Variants in IMPG2 observed in about 807,000 individuals in gnomAD.
IMPG2 encodes IPM 200.
IMPG2 carries 91 observed loss-of-function variants against 129.2 expected under a neutral mutation model. The ratio of observed to expected loss-of-function variants is 0.70; its 90% CI spans 0.59 to 0.84. IMPG2 has a LOEUF of 0.84. Ranked by LOEUF, IMPG2 falls within the 40% of genes least tolerant of loss-of-function variation. The pLI, the probability that IMPG2 is intolerant of heterozygous loss-of-function variation, is 0.00. For missense variants in IMPG2, 1,430 were observed against 1,461.7 expected, an observed-to-expected ratio of 0.98 and a Z score of 0.35; for synonymous variants, 510 against 517.7, an observed-to-expected ratio of 0.99 and a Z score of 0.20.
rs1228595057 is a variant in IMPG2, at chr3:101,261,442, T to C, written c.909-3669A>G. Among the ~76,000 whole-genome samples the C allele has an allele frequency of 2.0e-5, 3 of 152,140 alleles. No individual in the cohort carries two copies. The East Asian group carries it at 5.8e-4, about 29-fold the overall frequency. The stretch of plus-strand genomic sequence containing the variant: ...GGGAAAAGATCAAGAGAAATGTTCC[T>C]GGATCAAGAAAGCTATGCAAATCAA... On this transcript the variant is annotated intron_variant, in intron 9 of 18. Transcript: ENST00000193391.
At chr3:101,227,536 C>T (rs944318913) in intron 18 of IMPG2, among the ~76,000 whole-genome samples, 2 of 152,230 alleles carry the variant, frequency 1.3e-5, no homozygotes, top group African/African-American at 2.4e-5. Flanking sequence ...TGAACACATT[C>T]AGGCAGGTAG....
chr3:101,228,656 T>G (rs561107991), intron 18 of IMPG2, 141 bp downstream of exon 18: 1 of 700,600 alleles, frequency 1.4e-6, no homozygotes, highest in South Asian at 1.6e-5. Context: ...GCATAAACTT[T>G]GAAGAACTCA....
chr3:101,283,667 A>G (rs1327494784), intron 4 of IMPG2, among the ~76,000 whole-genome samples: 1 of 152,338 alleles, frequency 6.6e-6, no homozygotes, highest in South Asian at 2.1e-4. Context: ...ATCAATTTAT[A>G]TAAAATTTAT....
At chr3:101,240,865 A>G (rs1706399795) in intron 14 of IMPG2, among the ~76,000 whole-genome samples, 1 of 152,240 alleles carries the variant, frequency 6.6e-6, no homozygotes. Flanking sequence ...CTGACTTTCA[A>G]ACCAGTTTGA....
intron 8 of IMPG2, among the ~76,000 whole-genome samples, chr3:101,267,777 G>T (rs1471744308): frequency 6.6e-6 from 1 of 152,032 alleles, no homozygotes; most frequent in Admixed American, 6.6e-5. Context: ...ATTCACATAT[G>T]GTTATTTCTT....
chr3:101,293,906 G>A (rs963053433), intron 3 of IMPG2, among the ~76,000 whole-genome samples: 1 of 152,184 alleles, frequency 6.6e-6, no homozygotes, highest in Non-Finnish European at 1.5e-5. Context: ...TCATAGAATT[G>A]AAAAGAGTGA....
chr3:101,303,607 T>A (rs1707160219), intron 3 of IMPG2, among the ~76,000 whole-genome samples: 1 of 152,226 alleles, frequency 6.6e-6, no homozygotes, highest in Non-Finnish European at 1.5e-5. Context: ...GGCAGGTAAT[T>A]TGTCTTTATG....
rs769554473 is a variant in IMPG2, at chr3:101,275,737, G to T, written c.592C>A (p.Leu198Ile). The change falls in exon 6 of 19, where the codon CTC (leucine) becomes ATC (isoleucine). Residue 198 changes from leucine to isoleucine, a missense_variant. Transcript: ENST00000193391. ...TCCACCTCTGGATGTGGAACACTGA[G>T]AGTAGTGTCTAAGAAGAAAAGCAAA... ...GDTSTLGDTTLSVPHPEVDAY... is the reference protein window; with the variant it reads ...GDTSTLGDTTISVPHPEVDAY... 1.9e-6 allele frequency: 3 copies of T among 1,613,464 alleles called. No individual in the cohort carries two copies. Among genetic ancestry groups the T allele is most frequent in the Non-Finnish European group, 1.7e-6 (2 of 1,179,450 alleles).
intron 7 of IMPG2, among the ~76,000 whole-genome samples, chr3:101,272,102 C>CTT: frequency 4.5e-4 from 1 of 2,210 alleles, no homozygotes; most frequent in Non-Finnish European, 1.9e-3. Flanking sequence ...TACACACGCA[C>CTT]ACACACACAC....
chr3:101,281,393 T>A (rs992059159), intron 4 of IMPG2, among the ~76,000 whole-genome samples: 9 of 152,124 alleles, frequency 5.9e-5, no homozygotes, highest in African/African-American at 2.2e-4. Flanking sequence ...AGAGAAACAA[T>A]GACAGGCAGA....
chr3:101,296,821 G>A (rs2107131074), intron 3 of IMPG2, among the ~76,000 whole-genome samples: 1 of 152,236 alleles, frequency 6.6e-6, no homozygotes, highest in Admixed American at 6.5e-5. Flanking sequence ...GGGTGTATGT[G>A]TCCAGGAATT....
intron 14 of IMPG2, among the ~76,000 whole-genome samples, chr3:101,236,960 C>T (rs1706353213): frequency 6.6e-6 from 1 of 152,176 alleles, no homozygotes; most frequent in African/African-American, 2.4e-5. Flanking sequence ...AAGCTAAGAT[C>T]CACTGGTTTG....
At chr3:101,316,704 G>A (rs1212136793) in intron 2 of IMPG2, among the ~76,000 whole-genome samples, 1 of 151,978 alleles carries the variant, frequency 6.6e-6, no homozygotes, top group Non-Finnish European at 1.5e-5. Flanking sequence ...AAAGTTAAAC[G>A]TATACCTATC....
In IMPG2 at chr3:101,225,323, G is replaced by A. The variant is rs77631255; in HGVS notation, c.*1646C>T. 7.7e-4 allele frequency: 117 copies of A among 152,398 alleles called. No homozygotes were observed. Among genetic ancestry groups the A allele is most frequent in the Middle Eastern group, 3.4e-3 (1 of 296 alleles). 9.4% of individuals were successfully genotyped at this position (152,398 alleles called of 1,614,324 possible). ...TGAACTGTTAGAGGATCCATTATGT[G>A]AGTAGGGAATGAAAGGAAATGCTAG... On this transcript the variant is annotated 3_prime_UTR_variant, in exon 19 of 19. Transcript: ENST00000193391.
At chr3:101,277,826 T>C (rs7634592) in intron 4 of IMPG2, among the ~76,000 whole-genome samples, 19,563 of 152,264 alleles carry the variant, frequency 0.13, 1,320 homozygotes, top group Middle Eastern at 0.17. Context: ...TCTGGGAACA[T>C]TTTAGAATTT....
At chr3:101,284,201 AT>A (rs1412979002) in intron 4 of IMPG2, among the ~76,000 whole-genome samples, 1 of 152,248 alleles carries the variant, frequency 6.6e-6, no homozygotes, top group Non-Finnish European at 1.5e-5. Context: ...GGTTGGGGGC[AT>A]GGGAGAACCA....
chr3:101,285,987 T>C (rs968159158), intron 4 of IMPG2, among the ~76,000 whole-genome samples: 5 of 152,122 alleles, frequency 3.3e-5, no homozygotes, highest in Admixed American at 6.6e-5. Context: ...CTCTGAATGA[T>C]GTAAAATATC....
chr3:101,318,148 TAAATAATAA>T (rs1168773310), intron 2 of IMPG2, among the ~76,000 whole-genome samples: 1 of 60,174 alleles, frequency 1.7e-5, no homozygotes, highest in Admixed American at 2.0e-4. Flanking sequence ...AAAATAGTAA[TAAATAATAA>T]TAATAATAAT....
intron 9 of IMPG2, among the ~76,000 whole-genome samples, chr3:101,262,476 G>C (rs1040573219): frequency 1.3e-5 from 2 of 152,022 alleles, no homozygotes; most frequent in Admixed American, 1.3e-4. Flanking sequence ...TTTATCAGCT[G>C]GTTAATTCCT....
Sources: gnomAD v4.1 joint callset for allele counts (sites outside exome capture counted in the v4.1 genomes callset) on GRCh38, gnomAD v4.1.1 for gene constraint, MANE v1.5 for transcripts, NCBI Gene and HGNC (gene_info 2026-07-23, HGNC 2026-07-21) for gene names.